Variants in TMEM154 observed in about 807,000 individuals in gnomAD.
TMEM154 encodes transmembrane protein 154.
Under a neutral mutation model 24.5 loss-of-function variants are expected in TMEM154, and 27 were observed. The ratio of observed to expected loss-of-function variants is 1.10; its 90% CI spans 0.81 to 1.52. TMEM154 has a LOEUF of 1.52. TMEM154 is among the 40% of genes most tolerant of loss of function. TMEM154 has a pLI of 0.00. For missense variants in TMEM154, 228 were observed against 213.4 expected, an observed-to-expected ratio of 1.07 and a Z score of -0.43; for synonymous variants, 67 against 76.8, an observed-to-expected ratio of 0.87 and a Z score of 0.67.
chr4:152,644,538 A>G, intron 3 of TMEM154, 96 bp from the exon 4 acceptor site: 2 of 1,192,504 alleles, frequency 1.7e-6, no homozygotes, highest in Non-Finnish European at 2.5e-6. Flanking sequence ...CAAAGAGAGC[A>G]AAATGACATT....
chr4:152,644,707 T>C (rs1449676181), intron 3 of TMEM154, among the ~76,000 whole-genome samples: 1 of 151,944 alleles, frequency 6.6e-6, no homozygotes, highest in African/African-American at 2.4e-5. Flanking sequence ...TCCGTCTTTA[T>C]TTTTTACATC....
chr4:152,661,278 T>TTCTCTTTCTC (rs1404937546), intron 1 of TMEM154, among the ~76,000 whole-genome samples: 11 of 65,700 alleles, frequency 1.7e-4, no homozygotes, highest in African/African-American at 6.8e-4. Context: ...CAAGGGATTG[T>TTCTCTTTCTC]TCTCTTTCTC....
chr4:152,648,469 G>A (rs1449519297), intron 3 of TMEM154, among the ~76,000 whole-genome samples: 6 of 152,128 alleles, frequency 3.9e-5, no homozygotes, highest in Admixed American at 6.6e-5. Flanking sequence ...CATTCCAGCC[G>A]GGGTAACAGA....
Position 152,621,609 on chromosome 4 carries a change from G to A in TMEM154, c.*6937C>T, listed in dbSNP as rs1314382964. 1 of 152,152 alleles carries A rather than the reference G, an allele frequency of 6.6e-6. No individual in the cohort carries two copies. Among genetic ancestry groups the A allele is most frequent in the Admixed American group, 6.5e-5 (1 of 15,282 alleles). 9.4% of individuals were successfully genotyped at this position (152,152 alleles called of 1,614,324 possible). ...GGAGAAATCTTCCTGCCTGTTGTTT[G>A]TCAATAATACTGACTGGTCTTTGTG... is the stretch of plus-strand genomic sequence containing the variant. On this transcript the variant is annotated 3_prime_UTR_variant, in exon 7 of 7. Coordinates refer to ENST00000304385, the MANE Select transcript of TMEM154 (RefSeq NM_152680.3).
At chr4:152,658,343 G>T (rs758481217) in intron 1 of TMEM154, among the ~76,000 whole-genome samples, 15 of 152,096 alleles carry the variant, frequency 9.9e-5, no homozygotes, top group African/African-American at 1.4e-4. Flanking sequence ...GAAGTAGAAA[G>T]ATTTTAAACA....
At chr4:152,647,365 G>A in intron 3 of TMEM154, 1 of 980,292 alleles carries the variant, frequency 1.0e-6, no homozygotes, top group Non-Finnish European at 1.2e-6. Flanking sequence ...TAAATATTCT[G>A]CTTTTATTAA....
Position 152,643,071 on chromosome 4 carries a change from T to C in TMEM154, c.478+17A>G. On this transcript the variant is annotated intron_variant, in intron 5 of 6. Transcript: ENST00000304385. ...CTAGAGAGGAAAGAAAAAAAACAAC[T>C]TTAGGTTACCACATACCATTTCTAT... The C allele has an allele frequency of 6.3e-7, 1 of 1,598,822 alleles. No homozygotes were observed.
chr4:152,661,562 T>C (rs939523743), intron 1 of TMEM154, among the ~76,000 whole-genome samples: 3 of 152,156 alleles, frequency 2.0e-5, no homozygotes, highest in Non-Finnish European at 4.4e-5. Context: ...TACTGAGTTT[T>C]GAAGGTGCAT....
chr4:152,655,855 A>G (rs890293391), intron 1 of TMEM154, among the ~76,000 whole-genome samples: 2 of 152,108 alleles, frequency 1.3e-5, no homozygotes, highest in African/African-American at 4.8e-5. Flanking sequence ...GCTTTCTATC[A>G]GCAGCCTGGG....
chr4:152,632,270 T>G (rs1283010661), intron 6 of TMEM154, among the ~76,000 whole-genome samples: 1 of 152,224 alleles, frequency 6.6e-6, no homozygotes, highest in African/African-American at 2.4e-5. Context: ...AGCATGAGGT[T>G]GAGCTCTAAA....
chr4:152,650,804 A>T (rs978540708), intron 3 of TMEM154, among the ~76,000 whole-genome samples: 5 of 152,240 alleles, frequency 3.3e-5, no homozygotes, highest in Non-Finnish European at 7.3e-5. Context: ...ATATTGTATC[A>T]GCAGGCATGA....
chr4:152,628,584 A>AAC, intron 6 of TMEM154, 23 bp from the exon 7 acceptor site: 1 of 1,113,638 alleles, frequency 9.0e-7, no homozygotes. Flanking sequence ...AAAAAAAAAA[A>AAC]AAAAAAAACA....
At chr4:152,671,520 G>A (rs1272866459) in intron 1 of TMEM154, among the ~76,000 whole-genome samples, 2 of 151,854 alleles carry the variant, frequency 1.3e-5, no homozygotes, top group African/African-American at 4.8e-5. Context: ...GGCCGAGGCG[G>A]GCAGATCACG....
intron 1 of TMEM154, among the ~76,000 whole-genome samples, chr4:152,661,284 TTCTCTCTCTCTC>T (rs70949609): frequency 0.023 from 1,469 of 63,440 alleles, 10 homozygotes; most frequent in Non-Finnish European, 0.024. Context: ...ATTGTTCTCT[TTCTCTCTCTCTC>T]TCTCTCTCTC....
chr4:152,658,365 G>A (rs964752299), intron 1 of TMEM154, among the ~76,000 whole-genome samples: 1 of 152,080 alleles, frequency 6.6e-6, no homozygotes, highest in African/African-American at 2.4e-5. Flanking sequence ...ACAATCTAGT[G>A]ATGCATCTCA....
At position 152,627,221 on chromosome 4, in the gene TMEM154, A is replaced by T. The variant is rs1751936198; in HGVS notation, c.*1325T>A. The T allele has an allele frequency of 6.6e-6, 1 of 152,254 alleles. No homozygotes were observed. Among genetic ancestry groups the T allele is most frequent in the Admixed American group, 6.5e-5 (1 of 15,290 alleles). 9.4% of individuals were successfully genotyped at this position (152,254 alleles called of 1,614,324 possible). ...AGTAGTTTTTGTTATGCATTAGGGC[A>T]GACTTTCAAGCACAAGACACAAAAT... On this transcript the variant is annotated 3_prime_UTR_variant, in exon 7 of 7. Coordinates refer to ENST00000304385, the MANE Select transcript of TMEM154 (RefSeq NM_152680.3).
rs2149774740 is a variant in TMEM154, at chr4:152,620,928, C to T, written c.*7618G>A. The T allele has an allele frequency of 6.6e-6, 1 of 152,334 alleles. No individual in the cohort carries two copies. Among genetic ancestry groups the T allele is most frequent in the Admixed American group, 6.5e-5 (1 of 15,308 alleles). 9.4% of individuals were successfully genotyped at this position (152,334 alleles called of 1,614,324 possible). On this transcript the variant is annotated 3_prime_UTR_variant, in exon 7 of 7. Transcript: ENST00000304385. ...AGGTATAAGTTCTCTAAACCTACCT[C>T]ATAAGTAATTACTAGGATTAAAATG...
Position 152,628,413 on chromosome 4 carries a change from A to G in TMEM154, c.*133T>C. ...CATTAGGAAGAGTGGGCGTTGGAAGAAACAGCAAAAGGTTCTTGTGTCTAT... is the reference window on the plus strand; with the variant it reads ...CATTAGGAAGAGTGGGCGTTGGAAGGAACAGCAAAAGGTTCTTGTGTCTAT... On this transcript the variant is annotated 3_prime_UTR_variant, in exon 7 of 7. Transcript: ENST00000304385. 6.9e-7 allele frequency: 1 copy of G among 1,448,124 alleles called. No individual in the cohort carries two copies. Among genetic ancestry groups the G allele is most frequent in the Non-Finnish European group, 9.6e-7 (1 of 1,046,276 alleles). The allele number at this position is 1,448,124 out of a possible 1,614,324, so 89.7% of individuals were successfully genotyped here. A position where few individuals can be genotyped will look rare whatever the true frequency, so the allele number is the denominator to read the frequency against.
At position 152,626,708 on chromosome 4, in the gene TMEM154, C is replaced by T. The variant is rs538584011; in HGVS notation, c.*1838G>A. The stretch of plus-strand genomic sequence containing the variant: ...AGTTCATTATTTGATAGGGTTGGAT[C>T]AAATGTAAAGGCCCAGGTGTTCAAA... On this transcript the variant is annotated 3_prime_UTR_variant, in exon 7 of 7. Coordinates refer to ENST00000304385, the MANE Select transcript of TMEM154 (RefSeq NM_152680.3). 6.6e-6 allele frequency: 1 copy of T among 152,110 alleles called. No homozygotes were observed. Among genetic ancestry groups the T allele is most frequent in the African/African-American group, 2.4e-5 (1 of 41,412 alleles). The allele number at this position is 152,110 out of a possible 1,614,324, so 9.4% of individuals were successfully genotyped here. A position where few individuals can be genotyped will look rare whatever the true frequency, so the allele number is the denominator to read the frequency against.
Sources: gnomAD v4.1 joint callset for allele counts (sites outside exome capture counted in the v4.1 genomes callset) on GRCh38, gnomAD v4.1.1 for gene constraint, MANE v1.5 for transcripts, NCBI Gene and HGNC (gene_info 2026-07-23, HGNC 2026-07-21) for gene names.